SIK3: variants seen among roughly 807,000 people sequenced by gnomAD.
SIK3 encodes the protein serine/threonine-protein kinase SIK3.
Under a neutral mutation model 144.2 loss-of-function variants are expected in SIK3, and 28 were observed. The ratio of observed to expected loss-of-function variants is 0.19; its 90% CI spans 0.14 to 0.27. The LOEUF (loss-of-function observed/expected upper bound fraction) is 0.27, where lower values mean the gene tolerates loss of function less well. Among genes scored for constraint, SIK3 ranks in the 10% least tolerant of loss-of-function variants. The pLI, the probability that SIK3 is intolerant of heterozygous loss-of-function variation, is 1.00. For synonymous variants in SIK3, 686 were observed against 676.3 expected, an observed-to-expected ratio of 1.01 and a Z score of -0.22; for missense variants, 1,319 against 1,776.0, an observed-to-expected ratio of 0.74 and a Z score of 4.62.
chr11:116,858,534 GGGGAATTGGTCAAGTGGA>G lies in SIK3; in HGVS notation c.2913_2930del (p.Pro972_Pro977del). The G allele has an allele frequency of 6.2e-7, 1 of 1,613,326 alleles. No homozygotes were observed. Among genetic ancestry groups the G allele is most frequent in the Non-Finnish European group, 8.5e-7 (1 of 1,179,726 alleles). ...GCTGATGTGCACTGGGAGGGAAGGTGGGGAATTGGTCAAGTGGAGGGACTTTCAGGGCTTGGGTTGGAG... is the reference window on the plus strand; with the variant it reads ...GCTGATGTGCACTGGGAGGGAAGGTGGGGACTTTCAGGGCTTGGGTTGGAG... On this transcript the variant is annotated inframe_deletion, in exon 21 of 25. Transcript: ENST00000445177. This position sits in a 1 kb window ranked among gnomAD's most constrained non-coding sequence, Gnocchi z 5.4.
intron 1 of SIK3, among the ~76,000 whole-genome samples, chr11:117,048,383 G>A (rs1027970509): frequency 2.0e-5 from 3 of 152,174 alleles, no homozygotes; most frequent in African/African-American, 7.2e-5. Flanking sequence ...CAGGCTGGAC[G>A]CGGTGGCTCA....
Position 117,042,425 on chromosome 11 carries a change from C to A in SIK3, c.273+55718G>T, listed in dbSNP as rs1030637354. 2.0e-5 allele frequency among the ~76,000 whole-genome samples: 3 copies of A among 152,286 alleles called. No homozygotes were observed. The South Asian group carries it at 6.2e-4, about 32-fold the overall frequency. On this transcript the variant is annotated intron_variant, in intron 1 of 24. Coordinates refer to ENST00000445177, the MANE Select transcript of SIK3 (RefSeq NM_001366686.3). ...GCTGCACATCTACATGTGTCTGGTTCTTAAAAGTCAGTGTCTGCATTAGAA... is the reference window on the plus strand; with the variant it reads ...GCTGCACATCTACATGTGTCTGGTTATTAAAAGTCAGTGTCTGCATTAGAA...
At chr11:116,960,529 AAAAAC>A (rs773044447) in intron 1 of SIK3, among the ~76,000 whole-genome samples, 1 of 152,222 alleles carries the variant, frequency 6.6e-6, no homozygotes, top group African/African-American at 2.4e-5. Context: ...TCCAAAACAA[AAAAAC>A]AAAACAAAAC....
At chr11:116,877,666 A>G (rs1944323078) in intron 6 of SIK3, among the ~76,000 whole-genome samples, 1 of 152,234 alleles carries the variant, frequency 6.6e-6, no homozygotes, top group African/African-American at 2.4e-5. Context: ...AGATATTCAG[A>G]TCTATAGAAA....
chr11:116,940,123 C>A (rs1340328973), intron 3 of SIK3, among the ~76,000 whole-genome samples: 1 of 152,072 alleles, frequency 6.6e-6, no homozygotes, highest in Non-Finnish European at 1.5e-5. Context: ...ACTATAGAAG[C>A]TGGGCTGTTT....
chr11:116,952,729 C>T (rs768699163), intron 3 of SIK3, among the ~76,000 whole-genome samples: 83 of 152,262 alleles, frequency 5.5e-4, no homozygotes, highest in Admixed American at 2.9e-3. Flanking sequence ...GTTGATTTCC[C>T]TGTCTGTTTT....
intron 1 of SIK3, among the ~76,000 whole-genome samples, chr11:117,018,713 T>C (rs1038875560): frequency 2.3e-5 from 3 of 132,158 alleles, no homozygotes; most frequent in Admixed American, 7.3e-5. Flanking sequence ...TTTATTTTAT[T>C]TTATTTATTT....
intron 1 of SIK3, among the ~76,000 whole-genome samples, chr11:116,966,312 T>C (rs971845126): frequency 6.6e-6 from 1 of 152,074 alleles, no homozygotes; most frequent in Admixed American, 6.5e-5. Context: ...GGAAGATCAT[T>C]TGAGTCCAAG....
chr11:116,971,175 C>T (rs1339225536), intron 1 of SIK3, among the ~76,000 whole-genome samples: 2 of 152,184 alleles, frequency 1.3e-5, no homozygotes, highest in African/African-American at 4.8e-5. Flanking sequence ...ACTAAGAACA[C>T]TAAATAATAA....
intron 1 of SIK3, among the ~76,000 whole-genome samples, chr11:116,983,152 G>A (rs113198913): frequency 0.014 from 2,133 of 149,590 alleles, 63 homozygotes; most frequent in African/African-American, 0.049. Context: ...GCATAAACCC[G>A]GGAGGCGGAG....
intron 4 of SIK3, among the ~76,000 whole-genome samples, chr11:116,926,855 T>G (rs1947302480): frequency 6.6e-6 from 1 of 152,098 alleles, no homozygotes; most frequent in Non-Finnish European, 1.5e-5. Flanking sequence ...ACCCCAACTC[T>G]ACTAAAAGTA....
chr11:116,857,008 T>A (rs1276744424), intron 21 of SIK3: 1 of 152,240 alleles, frequency 6.6e-6, no homozygotes, highest in Non-Finnish European at 1.5e-5. Context: ...CTAGGATGAA[T>A]GCCGTGATGC....
chr11:116,851,745 C>T (rs1003211467), intron 21 of SIK3, among the ~76,000 whole-genome samples: 1 of 152,208 alleles, frequency 6.6e-6, no homozygotes, highest in Non-Finnish European at 1.5e-5. Context: ...GATTAGCCCG[C>T]CCGTCCTACC....
At chr11:117,067,779 G>A (rs919536038) in intron 1 of SIK3, among the ~76,000 whole-genome samples, 1 of 151,264 alleles carries the variant, frequency 6.6e-6, no homozygotes, top group Non-Finnish European at 1.5e-5. Context: ...TTGAGGTCAG[G>A]AGTTCGAAAC....
Position 117,035,885 on chromosome 11 carries a change from C to T in SIK3, c.273+62258G>A, listed in dbSNP as rs567141815. On this transcript the variant is annotated intron_variant, in intron 1 of 24. Coordinates refer to ENST00000445177, the MANE Select transcript of SIK3 (RefSeq NM_001366686.3). ...GCAGAGGACAGTGGAGCAGCCAACA[C>T]ACAAAACTACCGTTTGTGCATGGCT... 106 of 1,596,698 alleles carry T rather than the reference C, an allele frequency of 6.6e-5. No homozygotes were observed. In the African/African-American group the frequency reaches 1.1e-3, roughly 17 times the overall value.
At chr11:116,990,352 A>C (rs1330748580) in intron 1 of SIK3, among the ~76,000 whole-genome samples, 1 of 152,180 alleles carries the variant, frequency 6.6e-6, no homozygotes, top group Non-Finnish European at 1.5e-5. Flanking sequence ...CCCAGTTCAA[A>C]GAATGAACTT....
intron 1 of SIK3, among the ~76,000 whole-genome samples, chr11:117,064,052 T>G (rs577203532): frequency 7.6e-4 from 116 of 152,140 alleles, no homozygotes; most frequent in Non-Finnish European, 1.4e-3. Flanking sequence ...CTGGAAAAAG[T>G]ACCCCTGTTA....
At chr11:116,847,265 GC>G (rs1942048621) in intron 23 of SIK3, among the ~76,000 whole-genome samples, 1 of 152,218 alleles carries the variant, frequency 6.6e-6, no homozygotes, top group Admixed American at 6.5e-5. Flanking sequence ...GAATGGGAGA[GC>G]CCTGTGCCAT....
In SIK3 at chr11:116,860,216, C is replaced by G. The variant is rs564049956; in HGVS notation, c.2426-612G>C. Among the ~76,000 whole-genome samples, 3 of 151,904 alleles carry G rather than the reference C, an allele frequency of 2.0e-5. No individual in the cohort carries two copies. In the East Asian group the frequency reaches 5.8e-4, roughly 29 times the overall value. On this transcript the variant is annotated intron_variant, in intron 19 of 24. Coordinates refer to ENST00000445177, the MANE Select transcript of SIK3 (RefSeq NM_001366686.3). Reference sequence around the variant, plus strand: ...CCGAGATCATACCACTGCACTCCAGCCTGGGTGACAGGGGGAGACTCCATC... The same window carrying G: ...CCGAGATCATACCACTGCACTCCAGGCTGGGTGACAGGGGGAGACTCCATC...
Sources: gnomAD v4.1 joint callset for allele counts (sites outside exome capture counted in the v4.1 genomes callset) on GRCh38, gnomAD v4.1.1 for gene constraint, Gnocchi (gnomAD v3.1) non-coding constraint, MANE v1.5 for transcripts, NCBI Gene and HGNC (gene_info 2026-07-23, HGNC 2026-07-21) for gene names.